JARID2: variants seen among roughly 807,000 people sequenced by gnomAD.
JARID2 encodes the protein protein Jumonji.
JARID2 carries 21 observed loss-of-function variants against 125.6 expected under a neutral mutation model. The ratio of observed to expected loss-of-function variants is 0.17; its 90% CI spans 0.12 to 0.24. The LOEUF is 0.24. Ranked by LOEUF, JARID2 falls within the 10% of genes least tolerant of loss-of-function variation. JARID2 has a pLI of 1.00. For synonymous variants in JARID2, 736 were observed against 661.6 expected (o/e 1.11, Z -1.73); for missense variants, 1,303 against 1,639.6 (o/e 0.79, Z 3.55).
At chr6:15,286,801 G>A (rs932297145) in intron 1 of JARID2, among the ~76,000 whole-genome samples, 8 of 149,126 alleles carry the variant, frequency 5.4e-5, no homozygotes, top group African/African-American at 2.0e-4. Flanking sequence ...GGCAGAGCTT[G>A]CAGTGAGCCG....
chr6:15,324,238 C>T (rs1762458928), intron 1 of JARID2: 1 of 151,726 alleles, frequency 6.6e-6, no homozygotes, highest in Non-Finnish European at 1.5e-5. Context: ...TGTATGAAGC[C>T]CAAGGTATTA....
chr6:15,487,866 C>T lies in JARID2; in HGVS notation c.906+324C>T, dbSNP rs1769958646. Among the ~76,000 whole-genome samples, 6 of 104,562 alleles carry T rather than the reference C, an allele frequency of 5.7e-5. No individual in the cohort carries two copies. The Admixed American group carries it at 9.3e-4, about 16-fold the overall frequency. The allele number at this position is 104,562 out of a possible 152,430, so 68.6% of individuals were successfully genotyped here. A position where few individuals can be genotyped will look rare whatever the true frequency, so the allele number is the denominator to read the frequency against. ...GTAGAGTGGCAGGGAACATGTTTTT[C>T]TCAGGGTAGGTTTTGAAACACACCT... On this transcript the variant is annotated intron_variant, in intron 6 of 17. Transcript: ENST00000341776.
chr6:15,345,131 GT>G (rs1356006097), intron 1 of JARID2, among the ~76,000 whole-genome samples: 1 of 152,094 alleles, frequency 6.6e-6, no homozygotes, highest in Non-Finnish European at 1.5e-5. Context: ...TTCTAGTATA[GT>G]TTCTTCATTT....
At chr6:15,283,191 G>GAT (rs1561768150) in intron 1 of JARID2, among the ~76,000 whole-genome samples, 1 of 148,294 alleles carries the variant, frequency 6.7e-6, no homozygotes, top group Non-Finnish European at 1.5e-5. Flanking sequence ...TGTTAGCCAG[G>GAT]ACGGTCTCGA....
chr6:15,413,093 C>T (rs1765976592), intron 3 of JARID2, among the ~76,000 whole-genome samples: 1 of 142,516 alleles, frequency 7.0e-6, no homozygotes, highest in Non-Finnish European at 1.5e-5. Context: ...GATCTCGGCT[C>T]ACCGCAACCT....
At chr6:15,477,112 C>T (rs780088561) in intron 5 of JARID2, among the ~76,000 whole-genome samples, 24 of 152,106 alleles carry the variant, frequency 1.6e-4, no homozygotes, top group Non-Finnish European at 3.1e-4. Context: ...TCTCAGAAGA[C>T]TTTTTAAACA....
chr6:15,306,087 CGA>C (rs1276691045), intron 1 of JARID2, among the ~76,000 whole-genome samples: 1 of 152,142 alleles, frequency 6.6e-6, no homozygotes, highest in Non-Finnish European at 1.5e-5. Context: ...CAGCAATCCT[CGA>C]GGCTTACAGT....
At chr6:15,303,274 C>T (rs1365784859) in intron 1 of JARID2, among the ~76,000 whole-genome samples, 2 of 152,374 alleles carry the variant, frequency 1.3e-5, no homozygotes, top group Middle Eastern at 3.4e-3. Flanking sequence ...CATTCATAGG[C>T]ATCACCTGGG....
At chr6:15,262,228 G>A (rs1270672093) in intron 1 of JARID2, among the ~76,000 whole-genome samples, 1 of 150,994 alleles carries the variant, frequency 6.6e-6, no homozygotes, top group Non-Finnish European at 1.5e-5. Flanking sequence ...TGTTTCCTCG[G>A]TGGGTCTTAA....
intron 1 of JARID2, among the ~76,000 whole-genome samples, chr6:15,345,957 G>A (rs1314434167): frequency 6.6e-6 from 1 of 152,180 alleles, no homozygotes; most frequent in Admixed American, 6.5e-5. Flanking sequence ...CTTTCATGGA[G>A]TGGTGATATA....
At chr6:15,403,710 G>GGT (rs1765533812) in intron 2 of JARID2, among the ~76,000 whole-genome samples, 1 of 152,160 alleles carries the variant, frequency 6.6e-6, no homozygotes, top group Admixed American at 6.5e-5. Context: ...ATGCAAAAGA[G>GGT]GTGTAGATTG....
intron 1 of JARID2, among the ~76,000 whole-genome samples, chr6:15,312,949 C>T (rs1193657275): frequency 6.6e-6 from 1 of 152,160 alleles, no homozygotes; most frequent in Non-Finnish European, 1.5e-5. Flanking sequence ...TGACCCAAGC[C>T]TTGTTGTTCC....
At chr6:15,313,076 A>G (rs1363418029) in intron 1 of JARID2, among the ~76,000 whole-genome samples, 1 of 152,208 alleles carries the variant, frequency 6.6e-6, no homozygotes, top group Admixed American at 6.5e-5. Context: ...TTGTTTTTAA[A>G]CAATCTTCTT....
At chr6:15,435,631 T>C (rs1767168359) in intron 3 of JARID2, among the ~76,000 whole-genome samples, 1 of 152,244 alleles carries the variant, frequency 6.6e-6, no homozygotes, top group Non-Finnish European at 1.5e-5. Context: ...TATTACCTCA[T>C]TGATGGCTTT....
intron 2 of JARID2, among the ~76,000 whole-genome samples, chr6:15,405,084 A>G (rs1765594523): frequency 6.6e-6 from 1 of 152,188 alleles, no homozygotes; most frequent in South Asian, 2.1e-4. Context: ...CTTCAGCTAA[A>G]GGAATCTTTG....
At chr6:15,400,880 C>G in intron 2 of JARID2, 1 of 1,288,096 alleles carries the variant, frequency 7.8e-7, no homozygotes, top group South Asian at 1.2e-5. Context: ...GCCTGCCTCA[C>G]TGCGCTCTTC....
chr6:15,320,405 A>G (rs1762312475), intron 1 of JARID2, among the ~76,000 whole-genome samples: 1 of 152,250 alleles, frequency 6.6e-6, no homozygotes, highest in African/African-American at 2.4e-5. Flanking sequence ...GAATAGAAAA[A>G]TATATTTAAG....
At chr6:15,386,131 G>A (rs1764776097) in intron 2 of JARID2, among the ~76,000 whole-genome samples, 1 of 151,978 alleles carries the variant, frequency 6.6e-6, no homozygotes, top group Non-Finnish European at 1.5e-5. Context: ...TAATTTAATG[G>A]GCCTTAGGTG....
chr6:15,433,068 G>A (rs1031106097), intron 3 of JARID2, among the ~76,000 whole-genome samples: 12 of 152,178 alleles, frequency 7.9e-5, no homozygotes, highest in African/African-American at 2.7e-4. Flanking sequence ...GTTGCTGGTT[G>A]AAGAATCACA....
Sources: allele counts gnomAD v4.1 joint callset (sites outside exome capture counted in the v4.1 genomes callset), GRCh38; gene constraint gnomAD v4.1.1; transcripts MANE v1.5; gene names NCBI Gene and HGNC (gene_info 2026-07-23, HGNC 2026-07-21).